Variants in FLRT2 observed in about 807,000 individuals in gnomAD.
The protein encoded by FLRT2 is leucine-rich repeat transmembrane protein FLRT2.
Under a neutral mutation model 40.0 loss-of-function variants are expected in FLRT2, and 15 were observed. The ratio of observed to expected loss-of-function variants is 0.38; its 90% CI spans 0.25 to 0.58. The LOEUF (loss-of-function observed/expected upper bound fraction) is 0.58, where lower values mean the gene tolerates loss of function less well. FLRT2 is among the 20% of genes least tolerant of loss of function. The probability of loss-of-function intolerance (pLI) is 0.71; values close to 1 mark genes in which losing one functional copy is unlikely to be tolerated. For missense variants in FLRT2, 726 were observed against 840.0 expected (o/e 0.86, Z 1.68); for synonymous variants, 380 against 336.8 (o/e 1.13, Z -1.41).
chr14:85,553,644 A>G (rs1047834167), intron 1 of FLRT2, among the ~76,000 whole-genome samples: 2 of 152,200 alleles, frequency 1.3e-5, no homozygotes, highest in African/African-American at 4.8e-5. Flanking sequence ...CTGATTAGTT[A>G]TCAAGTCAGG....
rs965661451 is a variant in FLRT2, at chr14:85,651,720, T to A, written c.*28223T>A. 6.6e-6 allele frequency: 1 copy of A among 152,116 alleles called. No homozygotes were observed. Among genetic ancestry groups the A allele is most frequent in the East Asian group, 1.9e-4 (1 of 5,198 alleles). The allele number at this position is 152,116 out of a possible 1,614,324, so 9.4% of individuals were successfully genotyped here. A position where few individuals can be genotyped will look rare whatever the true frequency, so the allele number is the denominator to read the frequency against. Reference sequence around the variant, plus strand: ...TTTTTTCTTATTTTTATCCTTTCTATGTCTTTATGATTAAATTGTGTGCCT... The same window carrying A: ...TTTTTTCTTATTTTTATCCTTTCTAAGTCTTTATGATTAAATTGTGTGCCT... On this transcript the variant is annotated 3_prime_UTR_variant, in exon 2 of 2. Coordinates refer to ENST00000330753, the MANE Select transcript of FLRT2 (RefSeq NM_013231.6).
At chr14:85,582,966 G>A (rs1052854641) in intron 1 of FLRT2, among the ~76,000 whole-genome samples, 1 of 151,716 alleles carries the variant, frequency 6.6e-6, no homozygotes, top group East Asian at 1.9e-4. Flanking sequence ...AGCTCTGGAG[G>A]TTAAAGCTAA....
rs1057329613 is a variant in FLRT2 at position 85,644,532 on chromosome 14, G to A, written c.*21035G>A. 2.0e-5 allele frequency: 3 copies of A among 152,282 alleles called. No homozygotes were observed. In the East Asian group the frequency reaches 5.8e-4, roughly 29 times the overall value. The allele number at this position is 152,282 out of a possible 1,614,324, so 9.4% of individuals were successfully genotyped here. ...AACTCAGTAATTCACATGCATTCAA[G>A]AAGGTAGAAGAAAATTCTCACTAAA... On this transcript the variant is annotated 3_prime_UTR_variant, in exon 2 of 2. Transcript: ENST00000330753.
At chr14:85,609,481 C>G (rs1006239818) in intron 1 of FLRT2, among the ~76,000 whole-genome samples, 3 of 152,168 alleles carry the variant, frequency 2.0e-5, no homozygotes, top group Admixed American at 6.5e-5. Context: ...AGAGTCAGAG[C>G]GTAGCCACCT....
intron 1 of FLRT2, among the ~76,000 whole-genome samples, chr14:85,578,011 A>G (rs1891198680): frequency 6.6e-6 from 1 of 151,434 alleles, no homozygotes; most frequent in African/African-American, 2.4e-5. Context: ...GTTGAGCAGG[A>G]AAGGGCCCAA....
chr14:85,597,839 T>A (rs146000046), intron 1 of FLRT2, among the ~76,000 whole-genome samples: 79 of 152,370 alleles, frequency 5.2e-4, no homozygotes, highest in African/African-American at 1.6e-3. Flanking sequence ...GAGTGAATTA[T>A]GTGGAAACGT....
rs1894203170 is a variant in FLRT2 at position 85,643,335 on chromosome 14, CTTT to C, written c.*19839_*19841del. On this transcript the variant is annotated 3_prime_UTR_variant, in exon 2 of 2. Coordinates refer to ENST00000330753, the MANE Select transcript of FLRT2 (RefSeq NM_013231.6). ...TCTTTCTTTCTTTCTTTCTTTCTTT[CTTT>C]CTTTCTTTCTTTCTTTCTTCCTTCC... The C allele has an allele frequency of 8.8e-6, 1 of 114,208 alleles. No homozygotes were observed. The highest frequency in any genetic ancestry group is 9.2e-5 in the Admixed American group (1 of 10,886). 7.1% of individuals were successfully genotyped at this position (114,208 alleles called of 1,614,324 possible). A position where few individuals can be genotyped will look rare whatever the true frequency, so the allele number is the denominator to read the frequency against.
At chr14:85,559,153 G>A (rs895915773) in intron 1 of FLRT2, among the ~76,000 whole-genome samples, 3 of 152,132 alleles carry the variant, frequency 2.0e-5, no homozygotes, top group Non-Finnish European at 4.4e-5. Context: ...TTGAAAATAT[G>A]CTCAGCAGAG....
intron 1 of FLRT2, among the ~76,000 whole-genome samples, chr14:85,536,557 T>C (rs992993070): frequency 6.6e-6 from 1 of 152,224 alleles, no homozygotes; most frequent in African/African-American, 2.4e-5. Flanking sequence ...TAGATTACTT[T>C]AATAACTTTG....
At chr14:85,569,476 A>G (rs1446366239) in intron 1 of FLRT2, among the ~76,000 whole-genome samples, 4 of 152,058 alleles carry the variant, frequency 2.6e-5, no homozygotes, top group African/African-American at 9.7e-5. Flanking sequence ...GGAAAGACCA[A>G]CTCATGCAGC....
chr14:85,550,828 G>A (rs1889576718), intron 1 of FLRT2, among the ~76,000 whole-genome samples: 1 of 152,122 alleles, frequency 6.6e-6, no homozygotes, highest in Non-Finnish European at 1.5e-5. Context: ...AACACACGTT[G>A]AAAATCTGGA....
chr14:85,611,251 G>C (rs1046257408), intron 1 of FLRT2, among the ~76,000 whole-genome samples: 3 of 93,022 alleles, frequency 3.2e-5, no homozygotes, highest in Non-Finnish European at 6.7e-5. Context: ...CGTCACACGG[G>C]CCTCCTGCTT....
chr14:85,560,887 A>G (rs1266455566), intron 1 of FLRT2: 1 of 152,220 alleles, frequency 6.6e-6, no homozygotes, highest in Non-Finnish European at 1.5e-5. Context: ...TTCTTGACTA[A>G]GAAAAAATGC....
At chr14:85,606,519 CTCT>C (rs1284570006) in intron 1 of FLRT2, among the ~76,000 whole-genome samples, 1 of 110,330 alleles carries the variant, frequency 9.1e-6, no homozygotes, top group Non-Finnish European at 1.7e-5. Flanking sequence ...TTAGCTGTTA[CTCT>C]TTTTTTTTTT....
chr14:85,590,055 C>G (rs1891810436), intron 1 of FLRT2, among the ~76,000 whole-genome samples: 2 of 78,498 alleles, frequency 2.5e-5, no homozygotes, highest in South Asian at 7.6e-4. Context: ...TGTTTTTGCT[C>G]AGATTTTTTT....
chr14:85,590,230 TGGGGTGGG>T (rs1181730740), intron 1 of FLRT2, among the ~76,000 whole-genome samples: 1 of 152,074 alleles, frequency 6.6e-6, no homozygotes, highest in East Asian at 1.9e-4. Flanking sequence ...CAAATTTCCT[TGGGGTGGG>T]GGCAGTGAGG....
chr14:85,645,304 G>A lies in FLRT2; in HGVS notation c.*21807G>A, dbSNP rs1430879958. ...TGTATATACATATATGTATATAGAA[G>A]TATATATACACATATAAATGTGTGC... is the stretch of plus-strand genomic sequence containing the variant. On this transcript the variant is annotated 3_prime_UTR_variant, in exon 2 of 2. Coordinates refer to ENST00000330753, the MANE Select transcript of FLRT2 (RefSeq NM_013231.6). 1 of 151,032 alleles carries A rather than the reference G, an allele frequency of 6.6e-6. No homozygotes were observed. Among genetic ancestry groups the A allele is most frequent in the African/African-American group, 2.5e-5 (1 of 40,808 alleles). The allele number at this position is 151,032 out of a possible 1,614,324, so 9.4% of individuals were successfully genotyped here. A position where few individuals can be genotyped will look rare whatever the true frequency, so the allele number is the denominator to read the frequency against.
rs1487972483 is a variant in FLRT2, at chr14:85,628,181, C to T, written c.*4684C>T. 2.0e-5 allele frequency: 3 copies of T among 152,196 alleles called. No individual in the cohort carries two copies. Among genetic ancestry groups the T allele is most frequent in the African/African-American group, 7.2e-5 (3 of 41,436 alleles). The allele number at this position is 152,196 out of a possible 1,614,324, so 9.4% of individuals were successfully genotyped here. On this transcript the variant is annotated 3_prime_UTR_variant, in exon 2 of 2. Transcript: ENST00000330753. The stretch of plus-strand genomic sequence containing the variant: ...AATACCTTTTAGGTATGCACACATA[C>T]ACAGAGCATCTTATTTTATACTGGT...
chr14:85,559,252 G>C (rs1027022033), intron 1 of FLRT2: 4 of 152,194 alleles, frequency 2.6e-5, no homozygotes. Flanking sequence ...TGCTATGATG[G>C]GGGAGGCTGT....
Sources: gnomAD v4.1 joint callset for allele counts (sites outside exome capture counted in the v4.1 genomes callset) on GRCh38, gnomAD v4.1.1 for gene constraint, MANE v1.5 for transcripts, NCBI Gene and HGNC (gene_info 2026-07-23, HGNC 2026-07-21) for gene names.